ELAVL2: variants seen among roughly 807,000 people sequenced by gnomAD.
ELAVL2 encodes the protein ELAV like RNA binding protein 2.
ELAVL2 carries 4 observed loss-of-function variants against 34.6 expected under a neutral mutation model. That is an observed-to-expected ratio of 0.12 (90% confidence interval 0.06 to 0.26). The LOEUF (loss-of-function observed/expected upper bound fraction) is 0.26. ELAVL2 is among the 10% of genes least tolerant of loss of function. The pLI, the probability that ELAVL2 is intolerant of heterozygous loss-of-function variation, is 1.00. For missense variants in ELAVL2, 432 were observed against 442.8 expected, an observed-to-expected ratio of 0.98 and a Z score of 0.22; for synonymous variants, 193 against 154.8, an observed-to-expected ratio of 1.25 and a Z score of -1.83.
intron 2 of ELAVL2, among the ~76,000 whole-genome samples, chr9:23,742,036 A>G (rs1231220433): frequency 6.6e-6 from 1 of 152,168 alleles, no homozygotes; most frequent in Non-Finnish European, 1.5e-5. Context: ...GCATGATAAC[A>G]TCTGGCCTTT....
chr9:23,713,293 G>A (rs959232993), intron 3 of ELAVL2, among the ~76,000 whole-genome samples: 7 of 152,178 alleles, frequency 4.6e-5, no homozygotes, highest in Admixed American at 3.9e-4. Flanking sequence ...TTTACCTGCA[G>A]AGATACTTAA....
intron 1 of ELAVL2, among the ~76,000 whole-genome samples, chr9:23,772,534 CAAAAAAAAAAA>C (rs11450267): frequency 5.9e-5 from 4 of 67,654 alleles, no homozygotes; most frequent in Non-Finnish European, 9.0e-5. Context: ...CAGCTTACAC[CAAAAAAAAAAA>C]AAAAAAAAAA....
At chr9:23,820,573 T>C (rs1346441682) in intron 1 of ELAVL2, among the ~76,000 whole-genome samples, 1 of 152,226 alleles carries the variant, frequency 6.6e-6, no homozygotes, top group Non-Finnish European at 1.5e-5. Flanking sequence ...AGCTCGCATC[T>C]AGAGGCATGG....
chr9:23,809,104 A>T (rs989023892), intron 1 of ELAVL2, among the ~76,000 whole-genome samples: 1 of 152,206 alleles, frequency 6.6e-6, no homozygotes, highest in Non-Finnish European at 1.5e-5. Context: ...ATCCTGTGAT[A>T]TTCTAAATTA....
chr9:23,732,989 AAAAAG>A (rs1200542125), intron 2 of ELAVL2, among the ~76,000 whole-genome samples: 2 of 152,284 alleles, frequency 1.3e-5, no homozygotes, highest in African/African-American at 2.4e-5. Flanking sequence ...AATATAACAG[AAAAAG>A]AAAAGGGCAA....
chr9:23,700,912 A>C (rs796996129), intron 5 of ELAVL2, among the ~76,000 whole-genome samples: 4 of 152,096 alleles, frequency 2.6e-5, no homozygotes, highest in African/African-American at 7.2e-5. Flanking sequence ...GAAGCCCTGG[A>C]AACAATTCAG....
chr9:23,722,403 A>G (rs2043968208), intron 3 of ELAVL2, among the ~76,000 whole-genome samples: 1 of 152,228 alleles, frequency 6.6e-6, no homozygotes, highest in African/African-American at 2.4e-5. Flanking sequence ...CTTATCTGCT[A>G]AGTATGACCT....
chr9:23,840,493 A>G, the ELAVL2 span, among the ~76,000 whole-genome samples: 1 of 152,328 alleles, frequency 6.6e-6, no homozygotes, highest in Admixed American at 6.5e-5. Flanking sequence ...ACATGGAGTT[A>G]AACAGTGGCT....
chr9:23,724,465 T>C (rs973654015), intron 3 of ELAVL2, among the ~76,000 whole-genome samples: 3 of 152,190 alleles, frequency 2.0e-5, no homozygotes, highest in Non-Finnish European at 2.9e-5. Context: ...TGGACCTTAC[T>C]TGGGCTACCT....
chr9:23,746,820 G>GAAAAAAA (rs58976853), intron 2 of ELAVL2, among the ~76,000 whole-genome samples: 1 of 68,982 alleles, frequency 1.4e-5, no homozygotes. Flanking sequence ...AACTGAAAAA[G>GAAAAAAA]AAAAAAAAAA....
intron 3 of ELAVL2, among the ~76,000 whole-genome samples, chr9:23,706,953 T>C (rs1460353341): frequency 2.0e-5 from 3 of 152,214 alleles, no homozygotes; most frequent in African/African-American, 7.2e-5. Context: ...TACTCTTCTT[T>C]ATTCAAACCG....
chr9:23,705,695 A>G (rs1351069507), intron 3 of ELAVL2, among the ~76,000 whole-genome samples: 2 of 152,176 alleles, frequency 1.3e-5, no homozygotes, highest in Admixed American at 1.3e-4. Flanking sequence ...GCAGTTCAAA[A>G]TAGGGTTTGT....
intron 1 of ELAVL2, among the ~76,000 whole-genome samples, chr9:23,773,026 T>C (rs2057577285): frequency 6.6e-6 from 1 of 152,142 alleles, no homozygotes; most frequent in African/African-American, 2.4e-5. Context: ...TGACTTTTTA[T>C]GGTAATTAAG....
chr9:23,705,404 A>G (rs191136020), intron 3 of ELAVL2, among the ~76,000 whole-genome samples: 1 of 152,228 alleles, frequency 6.6e-6, no homozygotes, highest in African/African-American at 2.4e-5. Context: ...GCGGAGGTAT[A>G]GTGATTCAAC....
At chr9:23,811,331 G>GAAA (rs3838731) in intron 1 of ELAVL2, among the ~76,000 whole-genome samples, 26 of 138,374 alleles carry the variant, frequency 1.9e-4, no homozygotes, top group Non-Finnish European at 3.8e-4. Context: ...ACCTTTCAAG[G>GAAA]AAAAAAAAAA....
the ELAVL2 span, among the ~76,000 whole-genome samples, chr9:23,846,028 A>C: frequency 6.6e-6 from 1 of 151,832 alleles, no homozygotes; most frequent in Non-Finnish European, 1.5e-5. Context: ...TCTCTACTCC[A>C]CATCTAAGCT....
chr9:23,735,570 T>C (rs2134832678), intron 2 of ELAVL2: 1 of 152,376 alleles, frequency 6.6e-6, no homozygotes, highest in African/African-American at 2.4e-5. Context: ...TGAGCCACCG[T>C]ACCTGGCCCA....
At chr9:23,765,583 C>T (rs1280248355) in intron 1 of ELAVL2, among the ~76,000 whole-genome samples, 2 of 152,116 alleles carry the variant, frequency 1.3e-5, no homozygotes, top group Admixed American at 6.6e-5. Flanking sequence ...TTTGCCCACA[C>T]TGTTACATTA....
intron 3 of ELAVL2, among the ~76,000 whole-genome samples, chr9:23,720,349 C>T (rs773806753): frequency 3.7e-4 from 56 of 151,522 alleles, no homozygotes; most frequent in Non-Finnish European, 6.3e-4. Context: ...AATTTTTGTA[C>T]TTTTTAGTAG....
Sources: gnomAD v4.1 joint callset for allele counts (sites outside exome capture counted in the v4.1 genomes callset) on GRCh38, gnomAD v4.1.1 for gene constraint, MANE v1.5 for transcripts, NCBI Gene and HGNC (gene_info 2026-07-23, HGNC 2026-07-21) for gene names.